ABCA12: variants seen among roughly 807,000 people sequenced by gnomAD.
The protein encoded by ABCA12 is glucosylceramide transporter ABCA12.
In ABCA12, 156 loss-of-function variants were observed where a neutral mutation model predicts 293.5. The ratio of observed to expected loss-of-function variants is 0.53; its 90% CI spans 0.47 to 0.61. The LOEUF (loss-of-function observed/expected upper bound fraction) is 0.61, where lower values mean the gene tolerates loss of function less well. Among genes scored for constraint, ABCA12 ranks in the 20% least tolerant of loss-of-function variants. The pLI is 0.00. For synonymous variants in ABCA12, 1,063 were observed against 1,108.0 expected (o/e 0.96, Z 0.81); for missense variants, 2,797 against 3,090.2 (o/e 0.91, Z 2.25).
intron 37 of ABCA12, 114 bp from the exon 38 acceptor site, chr2:214,968,921 A>T: frequency 1.2e-6 from 1 of 811,988 alleles, no homozygotes; most frequent in Non-Finnish European, 2.1e-6. Context: ...ACACATTTAC[A>T]GTATAAAATG....
chr2:215,018,020 A>G lies in ABCA12; in HGVS notation c.1770T>C (p.Asp590=). Residue 590 remains aspartate (D), a synonymous_variant, in exon 14 of 53, where the codon GAT becomes GAC. Transcript: ENST00000272895. ...IDKLLAIPIP[D]NRAEIISQVF... ...CATGACACCCCACCTCAGCTCTATT[A>G]TCAGGGATGGGAATGGCCAGCAACT... 6.2e-7 allele frequency: 1 copy of G among 1,614,140 alleles called. No homozygotes were observed. The highest frequency in any genetic ancestry group is 8.5e-7 in the Non-Finnish European group (1 of 1,180,022).
rs191007740 is a variant in ABCA12, at chr2:214,957,439, C to T, written c.6118-661G>A. Among the ~76,000 whole-genome samples, 110 of 152,246 alleles carry T rather than the reference C, an allele frequency of 7.2e-4. 3 individuals carry two copies. Among genetic ancestry groups the T allele is most frequent in the Non-Finnish European group, 1.5e-4 (10 of 68,008 alleles). ...ACAGAATCCTAAAGTACTAAGTAGA[C>T]CTTCACAGAAGTATGTACTTGAAAT... is the stretch of plus-strand genomic sequence containing the variant. On this transcript the variant is annotated intron_variant, in intron 41 of 52. Coordinates refer to ENST00000272895, the MANE Select transcript of ABCA12 (RefSeq NM_173076.3).
chr2:215,056,320 T>C (rs893820873), intron 3 of ABCA12, among the ~76,000 whole-genome samples: 1 of 152,042 alleles, frequency 6.6e-6, no homozygotes, highest in Non-Finnish European at 1.5e-5. Flanking sequence ...CTCCTACAAA[T>C]AGCATTTAAA....
intron 7 of ABCA12, 65 bp downstream of exon 7, chr2:215,045,772 G>A (rs1701189263): frequency 1.4e-6 from 2 of 1,428,244 alleles, no homozygotes; most frequent in African/African-American, 2.9e-5. Context: ...ATCATCACAG[G>A]TAACATTTTT....
At chr2:215,084,371 C>A (rs1458328736) in intron 2 of ABCA12, among the ~76,000 whole-genome samples, 2 of 152,150 alleles carry the variant, frequency 1.3e-5, no homozygotes, top group Non-Finnish European at 2.9e-5. Context: ...GTGCAAATAA[C>A]CCTTTATTTA....
intron 30 of ABCA12, among the ~76,000 whole-genome samples, 194 bp from the exon 31 acceptor site, chr2:214,980,837 G>A (rs541427938): frequency 1.3e-5 from 2 of 152,220 alleles, no homozygotes; most frequent in East Asian, 1.9e-4. Context: ...ACTGGTTCAC[G>A]CCTGTAATCC....
At chr2:214,999,894 G>A (rs1700105370) in intron 22 of ABCA12, 1 of 926,848 alleles carries the variant, frequency 1.1e-6, no homozygotes, top group Non-Finnish European at 1.3e-6. Context: ...AAAAAGAAGA[G>A]AAAAGAAAAA....
intron 22 of ABCA12, 97 bp downstream of exon 22, chr2:215,000,608 G>A: frequency 7.0e-7 from 1 of 1,433,490 alleles, no homozygotes; most frequent in Middle Eastern, 1.7e-4. Flanking sequence ...TTTGGTGAAT[G>A]TTGTTCCTTT....
chr2:214,986,783 G>A, intron 27 of ABCA12, 55 bp from the exon 28 acceptor site: 1 of 1,478,122 alleles, frequency 6.8e-7, no homozygotes, highest in East Asian at 2.3e-5. Context: ...AATGCAGCTA[G>A]AGTTAGACTT....
intron 39 of ABCA12, 142 bp downstream of exon 39, chr2:214,966,706 A>T: frequency 1.3e-6 from 1 of 749,040 alleles, no homozygotes; most frequent in Non-Finnish European, 2.4e-6. Context: ...GATAGTTACT[A>T]CTTCTAAACT....
chr2:214,957,020 G>A (rs926567710), intron 41 of ABCA12, among the ~76,000 whole-genome samples: 4 of 152,170 alleles, frequency 2.6e-5, no homozygotes, highest in African/African-American at 7.2e-5. Flanking sequence ...TATACAAGGA[G>A]TCCCTGGTGT....
At chr2:215,068,791 A>G (rs1701682845) in intron 2 of ABCA12, among the ~76,000 whole-genome samples, 1 of 151,804 alleles carries the variant, frequency 6.6e-6, no homozygotes, top group Non-Finnish European at 1.5e-5. Context: ...TTGTCTCTCA[A>G]TGTCTTCCTT....
chr2:215,087,572 T>C (rs188645817), intron 2 of ABCA12, among the ~76,000 whole-genome samples: 28 of 151,998 alleles, frequency 1.8e-4, no homozygotes, highest in African/African-American at 6.5e-4. Context: ...GACAAGTATA[T>C]GTACAAAACA....
At position 215,019,641 on chromosome 2, in the gene ABCA12, G is replaced by T. The variant is rs143605938; in HGVS notation, c.1443C>A (p.Thr481=). The T allele has an allele frequency of 1.7e-5, 28 of 1,613,934 alleles. No homozygotes were observed. Among genetic ancestry groups the T allele is most frequent in the Admixed American group, 3.3e-5 (2 of 59,980 alleles). Residue 481 remains threonine, a synonymous_variant, in exon 12 of 53, where the codon ACC becomes ACA. Transcript: ENST00000272895. ...LQLLEAAELG[T]EIAASLLYHD... ...GGTACAGTAAGCTGGCTGCTATTTC[G>T]GTGCCCAGCTCTGCCGCTTCGAGGA... is the stretch of plus-strand genomic sequence containing the variant.
chr2:214,956,682 G>A lies in ABCA12; in HGVS notation c.6214C>T (p.Leu2072Phe). The change falls in exon 42 of 53, where the codon CTC becomes TTC. Residue 2072 changes from leucine (L) to phenylalanine (F), a missense_variant. By Grantham distance (22) the Leu-to-Phe change is conservative. This residue lies in a region of ABCA12 where 2,130 missense variants were observed against 2,427.0 expected (regional missense o/e 0.88). Coordinates refer to ENST00000272895, the MANE Select transcript of ABCA12 (RefSeq NM_173076.3). The part of the protein sequence containing the change: ...YSENNLGAVS[L>F]LLLLFGYATF... ...GCTTACCCAAACAGGAGAAGTAGGA[G>A]AGATACAGCGCCTAGGTTGTTTTCA... 6.2e-7 allele frequency: 1 copy of A among 1,613,172 alleles called. No homozygotes were observed. Among genetic ancestry groups the A allele is most frequent in the Non-Finnish European group, 8.5e-7 (1 of 1,179,320 alleles).
At chr2:215,080,495 T>G (rs1294643310) in intron 2 of ABCA12, among the ~76,000 whole-genome samples, 3 of 151,614 alleles carry the variant, frequency 2.0e-5, no homozygotes, top group Admixed American at 6.6e-5. Flanking sequence ...AGAGCAAGAC[T>G]TGGTCTCAAA....
intron 49 of ABCA12, 86 bp from the exon 50 acceptor site, chr2:214,943,103 T>G: frequency 1.0e-6 from 1 of 1,003,102 alleles, no homozygotes; most frequent in South Asian, 1.3e-5. Context: ...ATTGTTTCAT[T>G]ATGGCACTTG....
chr2:215,134,142 C>A (rs1269461950), intron 1 of ABCA12, among the ~76,000 whole-genome samples: 1 of 151,676 alleles, frequency 6.6e-6, no homozygotes, highest in African/African-American at 2.4e-5. Context: ...TATAGCCAAA[C>A]TAAATATTTA....
intron 50 of ABCA12, among the ~76,000 whole-genome samples, chr2:214,938,350 TATC>T (rs1422027287): frequency 7.2e-5 from 11 of 152,304 alleles, no homozygotes; most frequent in African/African-American, 2.2e-4. Context: ...ACATTTTCTT[TATC>T]TAGTCTGTCA....
Sources: allele counts gnomAD v4.1 joint callset (sites outside exome capture counted in the v4.1 genomes callset), GRCh38; gene constraint gnomAD v4.1.1; regional missense constraint gnomAD v4.1.1; transcripts MANE v1.5; gene names NCBI Gene and HGNC (gene_info 2026-07-23, HGNC 2026-07-21).